The following MROH9 variants were observed in gnomAD, a reference collection of about 807,000 sequenced individuals.
The protein encoded by MROH9 is maestro heat like repeat family member 9.
MROH9 carries 92 observed loss-of-function variants against 98.2 expected under a neutral mutation model. The ratio of observed to expected loss-of-function variants is 0.94; its 90% CI spans 0.79 to 1.11. The LOEUF (loss-of-function observed/expected upper bound fraction) is 1.11. Among genes scored for constraint, MROH9 ranks in the 50% most tolerant of loss-of-function variants. The probability of loss-of-function intolerance (pLI) is 0.00; values close to 1 mark genes in which losing one functional copy is unlikely to be tolerated. For synonymous variants in MROH9, 397 were observed against 368.9 expected, an observed-to-expected ratio of 1.08 and a Z score of -0.87; for missense variants, 1,057 against 1,014.8, an observed-to-expected ratio of 1.04 and a Z score of -0.57.
chr1:171,035,385 GAAC>G (rs1233421882), intron 20 of MROH9, among the ~76,000 whole-genome samples: 11 of 151,574 alleles, frequency 7.3e-5, no homozygotes, highest in East Asian at 5.8e-4. Context: ...ATGCAAATTA[GAAC>G]AATAACAACC....
rs545730402 is a variant in MROH9, at chr1:171,060,012, C to A, written c.2282-2120C>A. ...ATGGAAAGAGAAAGAAAATAAATTT[C>A]TCTCTACGATTAAAAAAAAAAGACT... On this transcript the variant is annotated intron_variant, in intron 20 of 21. Coordinates refer to ENST00000367759, the MANE Select transcript of MROH9 (RefSeq NM_001163629.2). Among the ~76,000 whole-genome samples the A allele has an allele frequency of 9.9e-5, 15 of 151,976 alleles. No individual in the cohort carries two copies. In the South Asian group the frequency reaches 2.9e-3, roughly 30 times the overall value.
At chr1:170,947,659 C>A in intron 3 of MROH9, 86 bp downstream of exon 3, 3 of 1,222,152 alleles carry the variant, frequency 2.5e-6, no homozygotes, top group South Asian at 1.3e-5. Flanking sequence ...AAGGATGTTA[C>A]AAGTAATGTT....
intron 6 of MROH9, 142 bp downstream of exon 6, chr1:170,962,118 A>C: frequency 1.8e-6 from 1 of 543,058 alleles, no homozygotes. Context: ...GAAGAGTGAA[A>C]TGTAGTCACT....
intron 20 of MROH9, among the ~76,000 whole-genome samples, chr1:171,044,475 A>G (rs982014174): frequency 6.6e-6 from 1 of 152,200 alleles, no homozygotes; most frequent in Admixed American, 6.5e-5. Context: ...CACTAGCCTC[A>G]CAGAATGATA....
chr1:170,946,630 C>T (rs1046958785), intron 2 of MROH9, among the ~76,000 whole-genome samples: 9 of 151,866 alleles, frequency 5.9e-5, no homozygotes, highest in Non-Finnish European at 1.5e-5. Flanking sequence ...AATTTACTGT[C>T]TTTGCAACTT....
At chr1:171,031,155 C>T (rs1652896372) in intron 20 of MROH9, among the ~76,000 whole-genome samples, 1 of 152,092 alleles carries the variant, frequency 6.6e-6, no homozygotes, top group South Asian at 2.1e-4. Context: ...TCCTCCATCC[C>T]TTTATTTTGA....
intron 15 of MROH9, among the ~76,000 whole-genome samples, chr1:171,007,355 C>G (rs1049031603): frequency 4.6e-5 from 7 of 152,112 alleles, no homozygotes; most frequent in Admixed American, 4.6e-4. Context: ...AACAACAGAC[C>G]TATTACCAAG....
intron 3 of MROH9, among the ~76,000 whole-genome samples, chr1:170,949,409 C>T (rs1032210279): frequency 1.3e-5 from 2 of 151,964 alleles, no homozygotes; most frequent in Admixed American, 6.6e-5. Flanking sequence ...GAGAGGTAAG[C>T]ACAGACTTAG....
chr1:171,040,442 A>C (rs1308961272), intron 20 of MROH9, among the ~76,000 whole-genome samples: 1 of 152,154 alleles, frequency 6.6e-6, no homozygotes, highest in Non-Finnish European at 1.5e-5. Flanking sequence ...AAGGGTAACT[A>C]TGTGAGATGA....
At chr1:170,992,583 TA>T (rs1278816575) in intron 12 of MROH9, among the ~76,000 whole-genome samples, 1 of 152,118 alleles carries the variant, frequency 6.6e-6, no homozygotes, top group African/African-American at 2.4e-5. Context: ...AAGAGATATA[TA>T]GTGGTGTGGA....
chr1:171,029,724 G>A (rs7063322), intron 20 of MROH9, among the ~76,000 whole-genome samples: 5,714 of 152,148 alleles, frequency 0.038, 329 homozygotes, highest in African/African-American at 0.12. Context: ...TTTTTGCATC[G>A]ATGTTCATCA....
intron 21 of MROH9, among the ~76,000 whole-genome samples, chr1:171,063,674 C>G (rs1047983241): frequency 5.9e-5 from 9 of 152,164 alleles, no homozygotes; most frequent in African/African-American, 2.2e-4. Context: ...AAATATGGGC[C>G]TACATTATGT....
chr1:170,995,608 A>G (rs1651538331), intron 13 of MROH9, 77 bp downstream of exon 13: 10 of 1,515,066 alleles, frequency 6.6e-6, no homozygotes, highest in Non-Finnish European at 9.0e-7. Context: ...TCTTGGGTTC[A>G]TATGGGATTC....
chr1:170,983,583 T>G, intron 9 of MROH9, 49 bp downstream of exon 9: 1 of 1,044,500 alleles, frequency 9.6e-7, no homozygotes, highest in East Asian at 2.4e-5. Flanking sequence ...TGTGTATGAT[T>G]ACTCTTAGTA....
chr1:170,949,302 A>G (rs886267402), intron 3 of MROH9, among the ~76,000 whole-genome samples: 1 of 151,976 alleles, frequency 6.6e-6, no homozygotes, highest in African/African-American at 2.4e-5. Flanking sequence ...TGAAATGGAG[A>G]GGGGTGGTCT....
chr1:170,936,196 G>A (rs1400999134), intron 1 of MROH9, among the ~76,000 whole-genome samples: 1 of 151,930 alleles, frequency 6.6e-6, no homozygotes, highest in Non-Finnish European at 1.5e-5. Flanking sequence ...TAAGGTATTG[G>A]TTTACACAAT....
At chr1:171,041,000 AT>A (rs1653280180) in intron 20 of MROH9, among the ~76,000 whole-genome samples, 1 of 151,950 alleles carries the variant, frequency 6.6e-6, no homozygotes, top group African/African-American at 2.4e-5. Flanking sequence ...TATTTAATAG[AT>A]TTAGGGATAC....
chr1:171,033,724 G>A (rs1460577332), intron 20 of MROH9, among the ~76,000 whole-genome samples: 2 of 151,750 alleles, frequency 1.3e-5, no homozygotes, highest in Non-Finnish European at 2.9e-5. Context: ...GTTTCTATTC[G>A]GCCATCTATT....
chr1:170,970,729 T>A (rs201160864), intron 7 of MROH9, among the ~76,000 whole-genome samples: 1,978 of 101,670 alleles, frequency 0.019, 18 homozygotes, highest in African/African-American at 0.027. Flanking sequence ...TGTGTGTGTG[T>A]GTGAGAGAGA....
Sources: gnomAD v4.1 joint callset for allele counts (sites outside exome capture counted in the v4.1 genomes callset) on GRCh38, gnomAD v4.1.1 for gene constraint, MANE v1.5 for transcripts, NCBI Gene and HGNC (gene_info 2026-07-23, HGNC 2026-07-21) for gene names.